Variants in TRERF1 observed in about 807,000 individuals in gnomAD.
TRERF1 encodes transcriptional-regulating factor 1.
TRERF1 carries 27 observed loss-of-function variants against 122.9 expected under a neutral mutation model. The observed-to-expected ratio is 0.22, with a 90% CI of 0.16 to 0.30. The LOEUF (loss-of-function observed/expected upper bound fraction) is 0.30, where lower values mean the gene tolerates loss of function less well. Ranked by LOEUF, TRERF1 falls within the 10% of genes least tolerant of loss-of-function variation. The pLI is 1.00. For missense variants in TRERF1, 1,248 were observed against 1,560.3 expected (o/e 0.80, Z 3.37); for synonymous variants, 636 against 641.7 (o/e 0.99, Z 0.13).
chr6:42,289,774 G>A (rs1183380203), intron 4 of TRERF1, among the ~76,000 whole-genome samples: 2 of 152,214 alleles, frequency 1.3e-5, no homozygotes, highest in African/African-American at 4.8e-5. Flanking sequence ...CTGACCCCCA[G>A]TGCAGACAAT....
intron 3 of TRERF1, among the ~76,000 whole-genome samples, chr6:42,352,098 A>G (rs1769565374): frequency 6.6e-6 from 1 of 152,116 alleles, no homozygotes; most frequent in African/African-American, 2.4e-5. Flanking sequence ...TCAACCTCCC[A>G]GGCTCAGGTG....
intron 15 of TRERF1, among the ~76,000 whole-genome samples, chr6:42,240,555 C>G (rs1236917528): frequency 1.3e-5 from 2 of 152,254 alleles, no homozygotes; most frequent in Admixed American, 6.5e-5. Flanking sequence ...AAGCAATGCT[C>G]TGTGTGACCT....
chr6:42,413,664 G>A (rs1194567772), intron 2 of TRERF1, among the ~76,000 whole-genome samples: 4 of 151,958 alleles, frequency 2.6e-5, no homozygotes, highest in African/African-American at 7.2e-5. Context: ...TCTTGACCTC[G>A]TGATCCGCCC....
At chr6:42,318,905 T>A (rs1430739525) in intron 3 of TRERF1, among the ~76,000 whole-genome samples, 3 of 152,228 alleles carry the variant, frequency 2.0e-5, no homozygotes, top group Non-Finnish European at 4.4e-5. Flanking sequence ...TACTCTGAAG[T>A]GTGGCCAGCC....
At chr6:42,387,130 C>T (rs1223819886) in intron 2 of TRERF1, among the ~76,000 whole-genome samples, 1 of 152,072 alleles carries the variant, frequency 6.6e-6, no homozygotes, top group East Asian at 1.9e-4. Flanking sequence ...AATTTTTTTG[C>T]TGTTGTTTTA....
chr6:42,276,475 T>G lies in TRERF1; in HGVS notation c.-258-6627A>C, dbSNP rs1207841417. Among the ~76,000 whole-genome samples, 1 of 152,174 alleles carries G rather than the reference T, an allele frequency of 6.6e-6. No homozygotes were observed. Among genetic ancestry groups the G allele is most frequent in the Non-Finnish European group, 1.5e-5 (1 of 68,032 alleles). ...TTCCTCTCGGCTCTGTCAAGGAAGCTTCACTCGACTCCCCTGGGGCTCCTC... is the reference window on the plus strand; with the variant it reads ...TTCCTCTCGGCTCTGTCAAGGAAGCGTCACTCGACTCCCCTGGGGCTCCTC... On this transcript the variant is annotated intron_variant, in intron 4 of 17. Coordinates refer to ENST00000372922, the Ensembl canonical transcript of TRERF1. The surrounding 1 kb of genome is among the most constrained non-coding windows in gnomAD (Gnocchi z 4.3).
chr6:42,301,720 C>A (rs143743839), intron 3 of TRERF1, among the ~76,000 whole-genome samples: 2 of 152,374 alleles, frequency 1.3e-5, no homozygotes, highest in Non-Finnish European at 2.9e-5. Flanking sequence ...GACTCAATTT[C>A]TGAACTTATC....
intron 13 of TRERF1, among the ~76,000 whole-genome samples, chr6:42,249,067 C>T (rs1402543252): frequency 1.3e-5 from 2 of 152,114 alleles, no homozygotes; most frequent in Non-Finnish European, 2.9e-5. Context: ...GAAGGAAGAC[C>T]ACAATGGCGG....
At chr6:42,401,450 A>G (rs1238022558) in intron 2 of TRERF1, among the ~76,000 whole-genome samples, 1 of 152,196 alleles carries the variant, frequency 6.6e-6, no homozygotes, top group African/African-American at 2.4e-5. Context: ...CACCCAATTC[A>G]GGAAAATTGT....
At chr6:42,360,798 A>C (rs922264166) in intron 3 of TRERF1, among the ~76,000 whole-genome samples, 6 of 149,926 alleles carry the variant, frequency 4.0e-5, no homozygotes, top group Non-Finnish European at 7.4e-5. Flanking sequence ...AAAAAAAAAA[A>C]AAAACCTGGA....
At chr6:42,305,329 G>T in intron 3 of TRERF1, among the ~76,000 whole-genome samples, 1 of 152,170 alleles carries the variant, frequency 6.6e-6, no homozygotes, top group East Asian at 1.9e-4. Flanking sequence ...CATCCACCAT[G>T]CCACCAAGCA....
chr6:42,442,090 A>G (rs945637056), intron 2 of TRERF1, among the ~76,000 whole-genome samples: 1 of 152,118 alleles, frequency 6.6e-6, no homozygotes, highest in South Asian at 2.1e-4. Flanking sequence ...TATTCACCCA[A>G]TTAACAAAGA....
intron 2 of TRERF1, among the ~76,000 whole-genome samples, chr6:42,434,699 C>CAG (rs1785016915): frequency 2.0e-5 from 3 of 151,636 alleles, no homozygotes; most frequent in African/African-American, 7.3e-5. Context: ...CACACACACA[C>CAG]ACACACACAC....
In TRERF1 at chr6:42,268,266, G is replaced by A. The variant is rs1024380006; in HGVS notation, c.1325C>T (p.Thr442Ile). Reference sequence around the variant, plus strand: ...ATGGGGGAGGGTGCTGCTGACCCGGGTCAGATCTGAGCTCGCTGGGTCTCC... The same window carrying A: ...ATGGGGGAGGGTGCTGCTGACCCGGATCAGATCTGAGCTCGCTGGGTCTCC... Residue 442 changes from threonine to isoleucine, a missense_variant, in exon 5 of 18, where the codon ACC (threonine) becomes ATC (isoleucine). Physicochemically the swap from Thr to Ile is moderately conservative, Grantham distance 89. Around this residue, in one of 5 missense-constraint regions of TRERF1, gnomAD observed 946 missense variants for 1,073.0 expected, o/e 0.88. Coordinates refer to ENST00000372922, the Ensembl canonical transcript of TRERF1. This position sits in a 1 kb window ranked among gnomAD's most constrained non-coding sequence, Gnocchi z 4.4. 2.0e-6 allele frequency: 3 copies of A among 1,502,824 alleles called. No individual in the cohort carries two copies. In the East Asian group the frequency reaches 6.9e-5, roughly 35 times the overall value. 93.1% of individuals were successfully genotyped at this position (1,502,824 alleles called of 1,614,324 possible). A position where few individuals can be genotyped will look rare whatever the true frequency, so the allele number is the denominator to read the frequency against.
intron 2 of TRERF1, among the ~76,000 whole-genome samples, chr6:42,396,395 T>C (rs1359920293): frequency 1.3e-5 from 2 of 152,092 alleles, no homozygotes; most frequent in African/African-American, 4.8e-5. Flanking sequence ...AGGTAGTACT[T>C]TGAAGGCAAA....
intron 2 of TRERF1, among the ~76,000 whole-genome samples, chr6:42,419,333 G>T (rs1782414599): frequency 6.9e-6 from 1 of 144,012 alleles, no homozygotes; most frequent in Non-Finnish European, 1.5e-5. Context: ...GACCGGTTCA[G>T]ATCAACCCCC....
intron 2 of TRERF1, among the ~76,000 whole-genome samples, chr6:42,398,721 G>A (rs566753575): frequency 9.2e-5 from 14 of 152,348 alleles, no homozygotes; most frequent in East Asian, 1.9e-4. Context: ...ATGGATAGAC[G>A]GATGGATGGG....
chr6:42,305,083 C>G (rs1582928163), intron 3 of TRERF1, among the ~76,000 whole-genome samples: 1 of 152,224 alleles, frequency 6.6e-6, no homozygotes, highest in African/African-American at 2.4e-5. Flanking sequence ...CTAGTACTTA[C>G]AACCATCCTG....
At chr6:42,290,964 AC>A (rs1784235387) in intron 4 of TRERF1, among the ~76,000 whole-genome samples, 1 of 152,070 alleles carries the variant, frequency 6.6e-6, no homozygotes, top group Non-Finnish European at 1.5e-5. Context: ...GCTGAGAAGG[AC>A]ACCAAAGAAT....
Sources: gnomAD v4.1 joint callset for allele counts (sites outside exome capture counted in the v4.1 genomes callset) on GRCh38, gnomAD v4.1.1 for gene constraint, gnomAD v4.1.1 regional missense constraint, Gnocchi (gnomAD v3.1) non-coding constraint, MANE v1.5 for transcripts, NCBI Gene and HGNC (gene_info 2026-07-23, HGNC 2026-07-21) for gene names.